Variants in JARID2 observed in about 807,000 individuals in gnomAD.
The protein encoded by JARID2 is jumonji and AT-rich interaction domain containing 2.
A neutral mutation model predicts 125.6 loss-of-function variants in JARID2; 21 were observed. The observed-to-expected ratio is 0.17, with a 90% CI of 0.12 to 0.24. JARID2 has a LOEUF of 0.24. JARID2 is among the 10% of genes least tolerant of loss of function. The pLI, the probability that JARID2 is intolerant of heterozygous loss-of-function variation, is 1.00. For synonymous variants in JARID2, 736 were observed against 661.6 expected, an observed-to-expected ratio of 1.11 and a Z score of -1.73; for missense variants, 1,303 against 1,639.6, an observed-to-expected ratio of 0.79 and a Z score of 3.55.
chr6:15,375,806 ATTGTAT>A (rs1424865633), intron 2 of JARID2, among the ~76,000 whole-genome samples: 1 of 152,148 alleles, frequency 6.6e-6, no homozygotes, highest in Non-Finnish European at 1.5e-5. Flanking sequence ...GTACTGTTAG[ATTGTAT>A]GGTTGTGATG....
intron 3 of JARID2, among the ~76,000 whole-genome samples, chr6:15,418,705 C>T (rs1554134491): frequency 6.6e-6 from 1 of 151,884 alleles, no homozygotes; most frequent in Non-Finnish European, 1.5e-5. Flanking sequence ...AGTTTAAACA[C>T]TGTTTGTCCT....
intron 5 of JARID2, among the ~76,000 whole-genome samples, chr6:15,478,446 T>A (rs560417993): frequency 2.0e-5 from 3 of 152,120 alleles, no homozygotes; most frequent in Non-Finnish European, 4.4e-5. Flanking sequence ...CGTGCTAATG[T>A]TTTTACTTTG....
chr6:15,387,322 C>G (rs1764824738), intron 2 of JARID2, among the ~76,000 whole-genome samples: 1 of 152,092 alleles, frequency 6.6e-6, no homozygotes, highest in Non-Finnish European at 1.5e-5. Context: ...CTCAGGCTGC[C>G]ATAATAAATT....
chr6:15,478,819 G>A (rs1305373703), intron 5 of JARID2, among the ~76,000 whole-genome samples: 2 of 151,906 alleles, frequency 1.3e-5, no homozygotes, highest in African/African-American at 2.4e-5. Flanking sequence ...ACAGGTGCCC[G>A]CCACCATGCC....
rs542256682 is a variant in JARID2, at chr6:15,412,665, T to G, written c.323+2300T>G. 2.5e-3 allele frequency among the ~76,000 whole-genome samples: 379 copies of G among 152,318 alleles called. 1 individual carries two copies. The highest frequency in any genetic ancestry group is 4.4e-3 in the Admixed American group (67 of 15,296). ...AAGCATAAAATGATAACTTAAAGTCTTAAGAACTCCTTTGTTTTGATCCTT... is the reference window on the plus strand; with the variant it reads ...AAGCATAAAATGATAACTTAAAGTCGTAAGAACTCCTTTGTTTTGATCCTT... On this transcript the variant is annotated intron_variant, in intron 3 of 17. Transcript: ENST00000341776.
intron 3 of JARID2, among the ~76,000 whole-genome samples, chr6:15,432,154 T>C (rs1315987738): frequency 1.3e-5 from 2 of 149,014 alleles, no homozygotes; most frequent in East Asian, 2.0e-4. Context: ...ACAGGCCGGG[T>C]GTGGTGGCTC....
chr6:15,509,178 C>A, intron 12 of JARID2: 1 of 1,279,482 alleles, frequency 7.8e-7, no homozygotes, highest in Non-Finnish European at 1.0e-6. Flanking sequence ...CTGACTCTCA[C>A]TGCACCCATC....
intron 5 of JARID2, among the ~76,000 whole-genome samples, chr6:15,478,257 A>G (rs1016456436): frequency 6.6e-6 from 1 of 152,128 alleles, no homozygotes; most frequent in East Asian, 1.9e-4. Context: ...TGTCAGGGCT[A>G]AAAAGATTAT....
chr6:15,285,527 T>C (rs1760963006), intron 1 of JARID2, among the ~76,000 whole-genome samples: 1 of 152,146 alleles, frequency 6.6e-6, no homozygotes, highest in African/African-American at 2.4e-5. Flanking sequence ...CATCTGGTCA[T>C]AGAATGACTT....
At chr6:15,337,053 G>A (rs1253548952) in intron 1 of JARID2, among the ~76,000 whole-genome samples, 6 of 152,120 alleles carry the variant, frequency 3.9e-5, no homozygotes. Context: ...CGCAGGGTGA[G>A]TGTAAACGAA....
intron 2 of JARID2, among the ~76,000 whole-genome samples, chr6:15,376,105 T>C (rs1477209155): frequency 1.3e-5 from 2 of 152,226 alleles, no homozygotes. Flanking sequence ...AAAATCTCAG[T>C]TGGCAAAGAT....
At chr6:15,286,798 C>G (rs1339177856) in intron 1 of JARID2, among the ~76,000 whole-genome samples, 1 of 144,956 alleles carries the variant, frequency 6.9e-6, no homozygotes, top group East Asian at 2.2e-4. Flanking sequence ...GGAGGCAGAG[C>G]TTGCAGTGAG....
At chr6:15,397,939 C>T (rs1457138692) in intron 2 of JARID2, among the ~76,000 whole-genome samples, 2 of 152,066 alleles carry the variant, frequency 1.3e-5, no homozygotes, top group African/African-American at 4.8e-5. Context: ...TACCATTCAT[C>T]AGTTGTGTAG....
chr6:15,374,265 T>C lies in JARID2; in HGVS notation c.181+13T>C, dbSNP rs1218122306. On this transcript the variant is annotated intron_variant, in intron 2 of 17. Transcript: ENST00000341776. ...AAAACTGTGAATGGTGAGTTGACTC[T>C]TGGAATATCTCATTGGAATGTACAA... 6.2e-7 allele frequency: 1 copy of C among 1,612,906 alleles called. No individual in the cohort carries two copies. The highest frequency in any genetic ancestry group is 1.3e-5 in the African/African-American group (1 of 74,892).
intron 1 of JARID2, among the ~76,000 whole-genome samples, chr6:15,298,962 A>G (rs1761506231): frequency 1.5e-5 from 2 of 130,224 alleles, no homozygotes; most frequent in African/African-American, 2.9e-5. Flanking sequence ...AGTGCTGGGT[A>G]TCCTTAAATG....
intron 4 of JARID2, among the ~76,000 whole-genome samples, chr6:15,452,693 C>G (rs1314685287): frequency 1.3e-5 from 2 of 152,144 alleles, no homozygotes; most frequent in Non-Finnish European, 2.9e-5. Context: ...AAATACTGGT[C>G]CATGTTTCAA....
At chr6:15,324,657 T>G (rs1352849363) in intron 1 of JARID2, among the ~76,000 whole-genome samples, 27 of 151,394 alleles carry the variant, frequency 1.8e-4, no homozygotes, top group Non-Finnish European at 3.7e-4. Flanking sequence ...TTGTGTTTTT[T>G]TTTTTTTTTG....
rs1177222689 is a variant in JARID2, at chr6:15,465,775, A to AT, written c.494-2759dup. 4.7e-5 allele frequency among the ~76,000 whole-genome samples: 7 copies of AT among 150,334 alleles called. No individual in the cohort carries two copies. In the East Asian group the frequency reaches 6.0e-4, roughly 13 times the overall value. On this transcript the variant is annotated intron_variant, in intron 4 of 17. Transcript: ENST00000341776. The stretch of plus-strand genomic sequence containing the variant: ...TATTTTTATTGGATCTTACTGCTGT[A>AT]TTTTTTTTGTTGCTGTTTGTTTGTT...
rs1297864660 is a variant in JARID2 at position 15,349,600 on chromosome 6, T to C, written c.46-24517T>C. ...AAGATCACTGATGGCTTTTGACTCATCACGCGTGAGGAGCTCCTGCAGGAA... is the reference window on the plus strand; with the variant it reads ...AAGATCACTGATGGCTTTTGACTCACCACGCGTGAGGAGCTCCTGCAGGAA... On this transcript the variant is annotated intron_variant, in intron 1 of 17. Transcript: ENST00000341776. Among the ~76,000 whole-genome samples, 8 of 152,106 alleles carry C rather than the reference T, an allele frequency of 5.3e-5. No individual in the cohort carries two copies. The East Asian group carries it at 1.5e-3, about 29-fold the overall frequency.
Sources: gnomAD v4.1 joint callset for allele counts (sites outside exome capture counted in the v4.1 genomes callset) on GRCh38, gnomAD v4.1.1 for gene constraint, MANE v1.5 for transcripts, NCBI Gene and HGNC (gene_info 2026-07-23, HGNC 2026-07-21) for gene names.